Variants in GRAMD1B observed in about 807,000 individuals in gnomAD.
The protein encoded by GRAMD1B is protein Aster-B.
Under a neutral mutation model 99.7 loss-of-function variants are expected in GRAMD1B, and 37 were observed. The ratio of observed to expected loss-of-function variants is 0.37; its 90% CI spans 0.29 to 0.49. The LOEUF (loss-of-function observed/expected upper bound fraction) is 0.49. Among genes scored for constraint, GRAMD1B ranks in the 20% least tolerant of loss-of-function variants. The pLI, the probability that GRAMD1B is intolerant of heterozygous loss-of-function variation, is 0.98. For synonymous variants in GRAMD1B, 427 were observed against 387.6 expected, an observed-to-expected ratio of 1.10 and a Z score of -1.19; for missense variants, 888 against 1,009.2, an observed-to-expected ratio of 0.88 and a Z score of 1.63.
intron 4 of GRAMD1B, among the ~76,000 whole-genome samples, chr11:123,590,241 A>C (rs1264687778): frequency 1.3e-5 from 2 of 152,134 alleles, no homozygotes; most frequent in African/African-American, 4.8e-5. Context: ...CAGCGTCTCC[A>C]CCACCAGCGT....
chr11:123,570,883 C>T (rs2136141760), intron 2 of GRAMD1B, among the ~76,000 whole-genome samples: 1 of 152,334 alleles, frequency 6.6e-6, no homozygotes, highest in Non-Finnish European at 1.5e-5. Context: ...GAGATGATTA[C>T]AGCCATACAT....
rs1274220201 is a variant in GRAMD1B at position 123,510,367 on chromosome 11, G to A, written c.452+29474G>A. Among the ~76,000 whole-genome samples, 1 of 152,206 alleles carries A rather than the reference G, an allele frequency of 6.6e-6. No individual in the cohort carries two copies. The highest frequency in any genetic ancestry group is 1.9e-4 in the East Asian group (1 of 5,144). ...TCTCCCTCTCAACAGGGGGAGCCTG[G>A]GAAGACCCACACTTCGCTCCTGGGA... On this transcript the variant is annotated intron_variant, in intron 2 of 19. Coordinates refer to ENST00000635736, the MANE Select transcript of GRAMD1B (RefSeq NM_001387025.1). This position sits in a 1 kb window ranked among gnomAD's most constrained non-coding sequence, Gnocchi z 4.3.
intron 2 of GRAMD1B, among the ~76,000 whole-genome samples, chr11:123,575,875 T>C (rs1356151300): frequency 6.6e-6 from 1 of 152,234 alleles, no homozygotes; most frequent in Non-Finnish European, 1.5e-5. Context: ...CAATTATTGT[T>C]AGTATTAGAA....
At chr11:123,437,155 A>G (rs894210537) in intron 1 of GRAMD1B, among the ~76,000 whole-genome samples, 2 of 152,130 alleles carry the variant, frequency 1.3e-5, no homozygotes, top group African/African-American at 4.8e-5. Flanking sequence ...GTCTATCAAG[A>G]TGGCACAATT....
intron 2 of GRAMD1B, among the ~76,000 whole-genome samples, chr11:123,499,737 A>T (rs1177073600): frequency 6.6e-6 from 1 of 152,102 alleles, no homozygotes; most frequent in Admixed American, 6.5e-5. Context: ...GGGCTGTGGG[A>T]GTAGAGGTTG....
intron 8 of GRAMD1B, among the ~76,000 whole-genome samples, chr11:123,601,515 A>ATGTGTG (rs4063751): frequency 0.012 from 1,780 of 148,906 alleles, 26 homozygotes; most frequent in African/African-American, 0.041. Context: ...ATTAATTTTT[A>ATGTGTG]TGTGTGTGTG....
At chr11:123,479,771 G>A (rs1951489503) in intron 1 of GRAMD1B, among the ~76,000 whole-genome samples, 1 of 152,164 alleles carries the variant, frequency 6.6e-6, no homozygotes, top group African/African-American at 2.4e-5. Context: ...AATAGCCAAA[G>A]ATAATATGTA....
At chr11:123,614,060 C>T (rs765166283) in intron 16 of GRAMD1B, among the ~76,000 whole-genome samples, 13 of 152,278 alleles carry the variant, frequency 8.5e-5, no homozygotes, top group Admixed American at 2.0e-4. Context: ...CACTTCAACC[C>T]GCATGGGCCA....
At position 123,406,665 on chromosome 11, in the gene GRAMD1B, C is replaced by T. The variant is rs74482222; in HGVS notation, c.-176+47866C>T. On this transcript the variant is annotated intron_variant, in intron 1 of 20. Transcript: ENST00000638157. Reference sequence around the variant, plus strand: ...GTTATTGTTTAACTTCTCTGAGCTTCATTTTACTCATTTATGAAGTAAATG... The same window carrying T: ...GTTATTGTTTAACTTCTCTGAGCTTTATTTTACTCATTTATGAAGTAAATG... Among the ~76,000 whole-genome samples, 318 of 152,322 alleles carry T rather than the reference C, an allele frequency of 2.1e-3. 4 individuals are homozygous for T. The highest frequency in any genetic ancestry group is 7.2e-3 in the African/African-American group (301 of 41,564).
intron 1 of GRAMD1B, among the ~76,000 whole-genome samples, chr11:123,438,114 G>T (rs957701490): frequency 3.9e-5 from 6 of 152,198 alleles, no homozygotes; most frequent in African/African-American, 7.2e-5. Flanking sequence ...TTCCTTGAGG[G>T]CAGGGACCGG....
chr11:123,507,170 A>G (rs1033694413), intron 2 of GRAMD1B, among the ~76,000 whole-genome samples: 4 of 152,212 alleles, frequency 2.6e-5, no homozygotes, highest in African/African-American at 9.6e-5. Flanking sequence ...ACATTTGACT[A>G]TCAGCCCAGG....
At chr11:123,362,464 A>G (rs1457482915) in intron 1 of GRAMD1B, among the ~76,000 whole-genome samples, 1 of 152,142 alleles carries the variant, frequency 6.6e-6, no homozygotes, top group African/African-American at 2.4e-5. Context: ...CAACAGGGTT[A>G]ATTTGGGGGT....
At chr11:123,568,189 G>A (rs1947612092) in intron 2 of GRAMD1B, among the ~76,000 whole-genome samples, 1 of 152,072 alleles carries the variant, frequency 6.6e-6, no homozygotes. Flanking sequence ...TTGCCCATAG[G>A]AAGTGCCCTG....
chr11:123,483,152 C>G (rs895873923), intron 2 of GRAMD1B, among the ~76,000 whole-genome samples: 8 of 152,050 alleles, frequency 5.3e-5, no homozygotes, highest in Non-Finnish European at 1.2e-4. Context: ...AGAAGGATTG[C>G]AGCTCAGGAT....
At chr11:123,462,912 A>AAC (rs1950506878) in intron 1 of GRAMD1B, among the ~76,000 whole-genome samples, 2 of 149,568 alleles carry the variant, frequency 1.3e-5, no homozygotes, top group Non-Finnish European at 3.0e-5. Context: ...AAAAAAAAAA[A>AAC]GAAATCCCTG....
intron 1 of GRAMD1B, among the ~76,000 whole-genome samples, chr11:123,438,725 G>C (rs1413154483): frequency 2.0e-5 from 3 of 152,196 alleles, no homozygotes; most frequent in African/African-American, 7.2e-5. Flanking sequence ...GTATGAACAT[G>C]GGGCAGATGC....
intron 2 of GRAMD1B, among the ~76,000 whole-genome samples, chr11:123,507,176 C>T (rs1940519308): frequency 6.6e-6 from 1 of 152,172 alleles, no homozygotes; most frequent in Non-Finnish European, 1.5e-5. Context: ...GACTATCAGC[C>T]CAGGAATAAA....
intron 2 of GRAMD1B, among the ~76,000 whole-genome samples, chr11:123,481,183 G>A (rs1951580504): frequency 6.6e-6 from 1 of 152,130 alleles, no homozygotes; most frequent in Admixed American, 6.5e-5. Context: ...AGCAGGGCTT[G>A]GTGGCTCACA....
At chr11:123,616,110 T>A (rs1337921672) in intron 17 of GRAMD1B, among the ~76,000 whole-genome samples, 1 of 151,974 alleles carries the variant, frequency 6.6e-6, no homozygotes, top group Non-Finnish European at 1.5e-5. Flanking sequence ...GATCATGAGG[T>A]CAGGAGATCG....
Sources: allele counts gnomAD v4.1 joint callset (sites outside exome capture counted in the v4.1 genomes callset), GRCh38; gene constraint gnomAD v4.1.1; non-coding constraint Gnocchi (gnomAD v3.1); transcripts MANE v1.5; gene names NCBI Gene and HGNC (gene_info 2026-07-23, HGNC 2026-07-21).